Variants in PCGF3 observed in about 807,000 individuals in gnomAD.
PCGF3 encodes polycomb group RING finger protein 3.
In PCGF3, 7 loss-of-function variants were observed where a neutral mutation model predicts 33.1. That is an observed-to-expected ratio of 0.21 (90% CI 0.12 to 0.40). PCGF3 has a LOEUF of 0.40. Ranked by LOEUF, PCGF3 falls within the 10% of genes least tolerant of loss-of-function variation. The pLI is 1.00. For missense variants in PCGF3, 211 were observed against 313.3 expected, an observed-to-expected ratio of 0.67 and a Z score of 2.46; for synonymous variants, 153 against 121.3, an observed-to-expected ratio of 1.26 and a Z score of -1.72.
At chr4:765,411 C>T (rs933222740) in intron 10 of PCGF3, among the ~76,000 whole-genome samples, 30 of 146,044 alleles carry the variant, frequency 2.1e-4, no homozygotes, top group South Asian at 2.0e-3. Flanking sequence ...CCAACCTAGG[C>T]GACAGAGGGA....
intron 1 of PCGF3, among the ~76,000 whole-genome samples, chr4:722,820 A>T (rs34077423): frequency 4.0e-3 from 71 of 17,616 alleles, no homozygotes; most frequent in East Asian, 7.3e-3. Context: ...CACACTCGCG[A>T]CATCGCCATC....
intron 1 of PCGF3, among the ~76,000 whole-genome samples, chr4:707,618 C>CA (rs1742373892): frequency 8.6e-6 from 1 of 116,278 alleles, no homozygotes; most frequent in African/African-American, 3.0e-5. Flanking sequence ...GCTCTGTTTT[C>CA]CCCTGGGGGT....
chr4:766,258 A>C, exon 11 of PCGF3: 1 of 589,900 alleles, frequency 1.7e-6, no homozygotes, highest in Non-Finnish European at 3.0e-6. Context: ...CCACGTTTAC[A>C]GAGGATGAAA....
At chr4:715,718 T>TGC (rs1560196075) in intron 1 of PCGF3, among the ~76,000 whole-genome samples, 4 of 71,982 alleles carry the variant, frequency 5.6e-5, no homozygotes, top group African/African-American at 8.6e-5. Context: ...CTGTAGACAC[T>TGC]GAGTGTGAGA....
At chr4:761,584 C>G (rs182861613) in intron 9 of PCGF3, 168 bp downstream of exon 9, 8 of 922,758 alleles carry the variant, frequency 8.7e-6, no homozygotes, top group East Asian at 1.2e-4. Context: ...GGAGACAGCC[C>G]TAAGGGTTGT....
intron 1 of PCGF3, among the ~76,000 whole-genome samples, chr4:723,030 G>A (rs544437436): frequency 1.1e-4 from 15 of 142,548 alleles, no homozygotes; most frequent in East Asian, 6.3e-4. Flanking sequence ...CATCCACGCC[G>A]GGTCCACACT....
chr4:707,072 C>T (rs1346959233), intron 1 of PCGF3, among the ~76,000 whole-genome samples: 3 of 152,092 alleles, frequency 2.0e-5, no homozygotes, highest in African/African-American at 7.2e-5. Context: ...GAGAGTTGGG[C>T]TCTGGGATTG....
At chr4:743,447 G>C in intron 6 of PCGF3, 27 bp from the exon 7 acceptor site, 1 of 1,352,756 alleles carries the variant, frequency 7.4e-7, no homozygotes, top group Non-Finnish European at 1.1e-6. Flanking sequence ...CCTGTGAGAT[G>C]AAAGACTGTG....
At chr4:762,801 A>T (rs1745135746) in intron 9 of PCGF3, 1 of 152,214 alleles carries the variant, frequency 6.6e-6, no homozygotes, top group Non-Finnish European at 1.5e-5. Context: ...TTGTTTGAAG[A>T]CACCACCTCG....
intron 1 of PCGF3, among the ~76,000 whole-genome samples, chr4:717,889 G>A (rs1041009346): frequency 6.6e-6 from 1 of 152,240 alleles, no homozygotes; most frequent in Non-Finnish European, 1.5e-5. Context: ...CAGGGCCAGG[G>A]CCTGACCTCG....
intron 1 of PCGF3, among the ~76,000 whole-genome samples, chr4:713,464 A>C: frequency 3.6e-5 from 2 of 55,418 alleles, no homozygotes; most frequent in South Asian, 6.5e-4. Context: ...TGTGGGGGCT[A>C]TGGCCTCATG....
chr4:766,162 G>T, exon 11 of PCGF3: 1 of 1,110,400 alleles, frequency 9.0e-7, no homozygotes, highest in African/African-American at 1.5e-5. Context: ...TTGCCTCTGG[G>T]TGTCATGTGG....
intron 1 of PCGF3, among the ~76,000 whole-genome samples, chr4:726,911 C>T (rs966371648): frequency 6.6e-6 from 1 of 152,252 alleles, no homozygotes; most frequent in African/African-American, 2.4e-5. Context: ...CCTCAGGTCC[C>T]TCTGTGGCCA....
chr4:711,443 C>CTTTT lies in PCGF3; in HGVS notation c.-190+5480_-190+5483dup, dbSNP rs201359627. Among the ~76,000 whole-genome samples the CTTTT allele has an allele frequency of 6.4e-3, 785 of 122,770 alleles. 30 individuals carry two copies. The highest frequency in any genetic ancestry group is 9.1e-3 in the African/African-American group (320 of 35,140). The allele number at this position is 122,770 out of a possible 152,430, so 80.5% of individuals were successfully genotyped here. On this transcript the variant is annotated intron_variant, in intron 1 of 10. Transcript: ENST00000362003. ...AATTGAAGTTGAAAATGTAATTTTT[C>CTTTT]TTTTTTTTTTCTTTTTTTTTTTTTT... is the stretch of plus-strand genomic sequence containing the variant.
chr4:716,659 C>G (rs1242672928), intron 1 of PCGF3, among the ~76,000 whole-genome samples: 1 of 113,650 alleles, frequency 8.8e-6, no homozygotes, highest in Non-Finnish European at 1.7e-5. Context: ...AACTGGGTGT[C>G]GGTGCTGGGA....
intron 1 of PCGF3, among the ~76,000 whole-genome samples, chr4:724,506 T>A (rs1196764563): frequency 6.6e-6 from 1 of 152,172 alleles, no homozygotes; most frequent in African/African-American, 2.4e-5. Context: ...TTTATTTACT[T>A]CATAAAATAC....
At chr4:738,300 C>G (rs1743923001) in intron 6 of PCGF3, among the ~76,000 whole-genome samples, 1 of 152,264 alleles carries the variant, frequency 6.6e-6, no homozygotes, top group Non-Finnish European at 1.5e-5. Flanking sequence ...GAGAATCATA[C>G]TGTTAGAGGC....
exon 11 of PCGF3, chr4:768,417 T>C (rs1745474174): frequency 6.6e-6 from 1 of 152,116 alleles, no homozygotes; most frequent in African/African-American, 2.4e-5. Context: ...AGAAAAAGGC[T>C]GAATTTCATT....
chr4:711,446 TTTTTTTTC>T lies in PCGF3; in HGVS notation c.-190+5484_-190+5491del, dbSNP rs1402035400. ...TGAAGTTGAAAATGTAATTTTTCTTTTTTTTTTCTTTTTTTTTTTTTTGAGACGGAGTC... is the reference window on the plus strand; with the variant it reads ...TGAAGTTGAAAATGTAATTTTTCTTTTTTTTTTTTTTTTTGAGACGGAGTC... On this transcript the variant is annotated intron_variant, in intron 1 of 10. Coordinates refer to ENST00000362003, the Ensembl canonical transcript of PCGF3. Among the ~76,000 whole-genome samples the T allele has an allele frequency of 1.5e-3, 134 of 91,644 alleles. 3 individuals are homozygous for T. In the East Asian group the frequency reaches 0.015, roughly 10 times the overall value. 60.1% of individuals were successfully genotyped at this position (91,644 alleles called of 152,430 possible). A position where few individuals can be genotyped will look rare whatever the true frequency, so the allele number is the denominator to read the frequency against.
Sources: allele counts gnomAD v4.1 joint callset (sites outside exome capture counted in the v4.1 genomes callset), GRCh38; gene constraint gnomAD v4.1.1; transcripts MANE v1.5; gene names NCBI Gene and HGNC (gene_info 2026-07-23, HGNC 2026-07-21).